Variants in RASSF3 observed in about 807,000 individuals in gnomAD.
RASSF3 encodes the protein Ras association domain family member 3.
Under a neutral mutation model 19.9 loss-of-function variants are expected in RASSF3, and 19 were observed. The ratio of observed to expected loss-of-function variants is 0.96; its 90% CI spans 0.67 to 1.40. The LOEUF (loss-of-function observed/expected upper bound fraction) is 1.40, where lower values mean the gene tolerates loss of function less well. Among genes scored for constraint, RASSF3 ranks in the 40% most tolerant of loss-of-function variants. RASSF3 has a pLI of 0.00. For missense variants in RASSF3, 306 were observed against 289.8 expected, an observed-to-expected ratio of 1.06 and a Z score of -0.41; for synonymous variants, 110 against 104.2, an observed-to-expected ratio of 1.06 and a Z score of -0.34.
intron 1 of RASSF3, among the ~76,000 whole-genome samples, chr12:64,652,997 T>A (rs961828731): frequency 6.6e-6 from 1 of 152,172 alleles, no homozygotes; most frequent in African/African-American, 2.4e-5. Context: ...CAGGCCTCTC[T>A]CATTGGTTTA....
chr12:64,554,355 A>G (rs2136122591), intron 2 of RASSF3, among the ~76,000 whole-genome samples: 1 of 152,278 alleles, frequency 6.6e-6, no homozygotes, highest in East Asian at 1.9e-4. Flanking sequence ...CCCAGGCTGG[A>G]GTGCAGTGGC....
chr12:64,634,675 C>T (rs1432370229), intron 1 of RASSF3, among the ~76,000 whole-genome samples: 1 of 148,234 alleles, frequency 6.7e-6, no homozygotes. Flanking sequence ...GCATGAGAAT[C>T]GCTTGAATTT....
chr12:64,579,788 C>T (rs1179535779), intron 2 of RASSF3, among the ~76,000 whole-genome samples: 1 of 145,886 alleles, frequency 6.9e-6, no homozygotes, highest in Non-Finnish European at 1.5e-5. Flanking sequence ...GAGTAGGGTA[C>T]AAAACTAGGT....
exon 1 of RASSF3, chr12:64,533,303 C>T (rs1277307691): frequency 6.6e-6 from 1 of 152,312 alleles, no homozygotes; most frequent in Non-Finnish European, 1.5e-5. Context: ...CGGGCAAAAT[C>T]AACTTTCAGG....
chr12:64,588,954 C>T (rs187883719), intron 2 of RASSF3, among the ~76,000 whole-genome samples: 15 of 152,242 alleles, frequency 9.9e-5, no homozygotes, highest in African/African-American at 3.6e-4. Flanking sequence ...TCTTCTAATT[C>T]CTATAATTTT....
At chr12:64,633,879 T>C (rs898463424) in intron 1 of RASSF3, among the ~76,000 whole-genome samples, 3 of 152,138 alleles carry the variant, frequency 2.0e-5, no homozygotes, top group Non-Finnish European at 1.5e-5. Context: ...CTCACGCCTA[T>C]AGTCAGCACT....
downstream of RASSF3, among the ~76,000 whole-genome samples, chr12:64,542,939 ACGGGC>A (rs892006787): frequency 1.3e-5 from 2 of 151,988 alleles, no homozygotes; most frequent in Non-Finnish European, 2.9e-5. Context: ...AGGGAGAGGC[ACGGGC>A]GGGAACCGGG....
At chr12:64,628,276 GAGT>G (rs1405179389) in intron 1 of RASSF3, 6 of 152,154 alleles carry the variant, frequency 3.9e-5, no homozygotes, top group Middle Eastern at 3.4e-3. Flanking sequence ...TATATTGCAG[GAGT>G]TATAAATATA....
At chr12:64,602,116 G>GAA (rs113855938) in intron 2 of RASSF3, among the ~76,000 whole-genome samples, 7 of 120,282 alleles carry the variant, frequency 5.8e-5, no homozygotes, top group Admixed American at 8.8e-5. Flanking sequence ...CTTCGTCTCA[G>GAA]AAAAAAAAAA....
intron 2 of RASSF3, among the ~76,000 whole-genome samples, chr12:64,591,909 T>TTG (rs1869930224): frequency 6.6e-6 from 1 of 151,678 alleles, no homozygotes; most frequent in African/African-American, 2.4e-5. Context: ...GGTTGCTGTT[T>TTG]TTTTTTTTTT....
At chr12:64,666,508 G>C (rs1261880) in intron 1 of RASSF3, among the ~76,000 whole-genome samples, 46,931 of 152,006 alleles carry the variant, frequency 0.31, 7,457 homozygotes, top group Non-Finnish European at 0.36. Context: ...AGTGTACTCT[G>C]GTTTTCCAAA....
chr12:64,547,247 G>A (rs1375568729), intron 2 of RASSF3, among the ~76,000 whole-genome samples: 1 of 147,476 alleles, frequency 6.8e-6, no homozygotes, highest in African/African-American at 2.5e-5. Context: ...ACTCCAGTCT[G>A]TGTGACAGAG....
At chr12:64,623,221 C>T (rs1870855526) in intron 1 of RASSF3, among the ~76,000 whole-genome samples, 1 of 152,078 alleles carries the variant, frequency 6.6e-6, no homozygotes, top group South Asian at 2.1e-4. Flanking sequence ...AAATAGAAAA[C>T]AACATAGTTA....
At chr12:64,542,848 A>C (rs1285125303), downstream of RASSF3, among the ~76,000 whole-genome samples, 3 of 152,188 alleles carry the variant, frequency 2.0e-5, no homozygotes, top group African/African-American at 7.2e-5. Flanking sequence ...AGAGCCCTTC[A>C]GCCCGCCGCT....
At chr12:64,678,945 G>A (rs186099888) in intron 1 of RASSF3, among the ~76,000 whole-genome samples, 1 of 152,316 alleles carries the variant, frequency 6.6e-6, no homozygotes, top group Admixed American at 6.5e-5. Context: ...CTAGAATGTG[G>A]CAGAGCTGTG....
intron 1 of RASSF3, among the ~76,000 whole-genome samples, chr12:64,629,098 C>G (rs898028875): frequency 6.7e-6 from 1 of 149,928 alleles, no homozygotes; most frequent in Non-Finnish European, 1.5e-5. Flanking sequence ...CCACACCCGA[C>G]TAATTTTCTT....
chr12:64,633,761 T>G (rs946364854), intron 1 of RASSF3, among the ~76,000 whole-genome samples: 2 of 151,888 alleles, frequency 1.3e-5, no homozygotes, highest in Admixed American at 6.6e-5. Context: ...TTAGAAGAGT[T>G]TGGAGGGGTC....
chr12:64,520,375 C>T (rs958597262), intron 1 of RASSF3, among the ~76,000 whole-genome samples: 5 of 151,596 alleles, frequency 3.3e-5, no homozygotes, highest in African/African-American at 7.3e-5. Context: ...GTTGGCCAGG[C>T]TGGTCTCAAA....
chr12:64,570,075 A>G (rs1417180190), intron 2 of RASSF3, among the ~76,000 whole-genome samples: 1 of 152,180 alleles, frequency 6.6e-6, no homozygotes, highest in African/African-American at 2.4e-5. Context: ...TAAGCTTGTG[A>G]ACAACTGTGG....
Sources: gnomAD v4.1 joint callset for allele counts (sites outside exome capture counted in the v4.1 genomes callset) on GRCh38, gnomAD v4.1.1 for gene constraint, MANE v1.5 for transcripts, NCBI Gene and HGNC (gene_info 2026-07-23, HGNC 2026-07-21) for gene names.